TRAPPC9: variants seen among roughly 807,000 people sequenced by gnomAD.
The protein encoded by TRAPPC9 is trafficking protein particle complex subunit 9, also known as IKK2 binding protein.
In TRAPPC9, 83 loss-of-function variants were observed where a neutral mutation model predicts 124.0. The ratio of observed to expected loss-of-function variants is 0.67; its 90% CI spans 0.56 to 0.80. The LOEUF is 0.80. TRAPPC9 is among the 30% of genes least tolerant of loss of function. The pLI, the probability that TRAPPC9 is intolerant of heterozygous loss-of-function variation, is 0.00. For missense variants in TRAPPC9, 1,302 were observed against 1,508.3 expected, an observed-to-expected ratio of 0.86 and a Z score of 2.27; for synonymous variants, 638 against 617.5, an observed-to-expected ratio of 1.03 and a Z score of -0.49.
At position 140,257,652 on chromosome 8, in the gene TRAPPC9, C is replaced by T. The variant is rs1393406109; in HGVS notation, c.2279-4723G>A. On this transcript the variant is annotated intron_variant, in intron 15 of 22. Coordinates refer to ENST00000438773, the MANE Select transcript of TRAPPC9 (RefSeq NM_001160372.4). The surrounding 1 kb of genome is among the most constrained non-coding windows in gnomAD (Gnocchi z 4.6). Reference sequence around the variant, plus strand: ...TGCTTTCTTAAGTCCAGAACTCTGCCCCATCGTGTGCCTACTACTGGAAAT... The same window carrying T: ...TGCTTTCTTAAGTCCAGAACTCTGCTCCATCGTGTGCCTACTACTGGAAAT... Among the ~76,000 whole-genome samples, 3 of 152,178 alleles carry T rather than the reference C, an allele frequency of 2.0e-5. No homozygotes were observed. Among genetic ancestry groups the T allele is most frequent in the Non-Finnish European group, 4.4e-5 (3 of 68,040 alleles).
At chr8:140,105,669 C>G (rs987873031) in intron 17 of TRAPPC9, among the ~76,000 whole-genome samples, 1 of 152,172 alleles carries the variant, frequency 6.6e-6, no homozygotes, top group African/African-American at 2.4e-5. Context: ...TCTAGCAGTA[C>G]CTCCTCTGTG....
At chr8:140,434,161 T>A (rs1470221884) in intron 4 of TRAPPC9, among the ~76,000 whole-genome samples, 1 of 152,184 alleles carries the variant, frequency 6.6e-6, no homozygotes, top group Non-Finnish European at 1.5e-5. Flanking sequence ...AGATTCTGTA[T>A]CCGTGCCCTT....
chr8:139,810,269 A>G (rs948128284), intron 21 of TRAPPC9, among the ~76,000 whole-genome samples: 2 of 152,186 alleles, frequency 1.3e-5, no homozygotes, highest in Admixed American at 1.3e-4. Flanking sequence ...CCAAGGAGAC[A>G]AGGCCACTGC....
chr8:139,741,769 G>A (rs1818576172), intron 21 of TRAPPC9, among the ~76,000 whole-genome samples: 1 of 152,106 alleles, frequency 6.6e-6, no homozygotes, highest in Admixed American at 6.5e-5. Context: ...AACAGAAGCG[G>A]AGGGCAGTGA....
intron 21 of TRAPPC9, among the ~76,000 whole-genome samples, chr8:139,794,602 G>C (rs1487466583): frequency 1.3e-5 from 2 of 152,186 alleles, no homozygotes; most frequent in African/African-American, 2.4e-5. Context: ...CCCAGCAACT[G>C]TGTGCTCCCC....
intron 19 of TRAPPC9, among the ~76,000 whole-genome samples, chr8:139,942,085 A>T (rs768515357): frequency 2.6e-5 from 4 of 152,186 alleles, no homozygotes; most frequent in Non-Finnish European, 5.9e-5. Context: ...ACAAATTAAA[A>T]GACTCGCCTT....
At chr8:139,762,005 T>C (rs79135293) in intron 21 of TRAPPC9, among the ~76,000 whole-genome samples, 1,954 of 151,840 alleles carry the variant, frequency 0.013, 36 homozygotes, top group African/African-American at 0.044. Context: ...CCTGGATCTA[T>C]AGGTGTCCCT....
At chr8:139,826,478 TG>T (rs150178911) in intron 21 of TRAPPC9, among the ~76,000 whole-genome samples, 20,531 of 152,006 alleles carry the variant, frequency 0.14, 1,462 homozygotes, top group Admixed American at 0.2. Context: ...GGTCGGTGCC[TG>T]GGGGGAACAG....
chr8:139,962,591 T>C (rs968678828), intron 19 of TRAPPC9, among the ~76,000 whole-genome samples: 1 of 123,994 alleles, frequency 8.1e-6, no homozygotes, highest in Admixed American at 8.5e-5. Context: ...AGTTGGACCT[T>C]GACATGGTGC....
At chr8:140,152,355 CT>C (rs34124150) in intron 17 of TRAPPC9, among the ~76,000 whole-genome samples, 2,277 of 93,784 alleles carry the variant, frequency 0.024, 20 homozygotes, top group African/African-American at 0.09. Context: ...ATATTGCCAT[CT>C]TTTTTTTTTT....
intron 17 of TRAPPC9, among the ~76,000 whole-genome samples, chr8:140,187,363 G>A (rs777162369): frequency 1.4e-4 from 21 of 152,120 alleles, no homozygotes; most frequent in Admixed American, 2.0e-4. Flanking sequence ...ATCCCAACTC[G>A]GAAAATCTGA....
intron 17 of TRAPPC9, among the ~76,000 whole-genome samples, chr8:140,031,916 T>C (rs1840519944): frequency 6.6e-6 from 1 of 152,148 alleles, no homozygotes; most frequent in South Asian, 2.1e-4. Context: ...GAAGACCAAG[T>C]TGAAAGTCTG....
chr8:140,324,102 C>T (rs936181332), intron 9 of TRAPPC9, among the ~76,000 whole-genome samples: 3 of 152,008 alleles, frequency 2.0e-5, no homozygotes, highest in Non-Finnish European at 4.4e-5. Flanking sequence ...TGCCTTGCAT[C>T]CTTACAGCTT....
chr8:140,385,294 G>C (rs940453940), intron 7 of TRAPPC9, among the ~76,000 whole-genome samples: 4 of 152,140 alleles, frequency 2.6e-5, no homozygotes, highest in Non-Finnish European at 1.5e-5. Context: ...TCAAAAGCTA[G>C]CAGAAAGCAA....
At chr8:140,091,970 C>G (rs371967314) in intron 17 of TRAPPC9, among the ~76,000 whole-genome samples, 1 of 151,532 alleles carries the variant, frequency 6.6e-6, no homozygotes, top group Non-Finnish European at 1.5e-5. Flanking sequence ...TCGATTCAGC[C>G]GCAGAACGCT....
intron 21 of TRAPPC9, among the ~76,000 whole-genome samples, chr8:139,765,719 G>A (rs970195496): frequency 6.6e-6 from 1 of 152,182 alleles, no homozygotes; most frequent in African/African-American, 2.4e-5. Context: ...GGGTCTGGGG[G>A]CAGAGGCAGG....
chr8:140,287,872 C>G, intron 12 of TRAPPC9, 138 bp from the exon 13 acceptor site: 1 of 1,262,002 alleles, frequency 7.9e-7, no homozygotes, highest in Non-Finnish European at 1.1e-6. Context: ...CAGAGAACTT[C>G]GGAGACAGTG....
chr8:140,091,411 G>A (rs373876588), intron 17 of TRAPPC9, among the ~76,000 whole-genome samples: 1 of 152,282 alleles, frequency 6.6e-6, no homozygotes, highest in Non-Finnish European at 1.5e-5. Flanking sequence ...AGGGGTCTCC[G>A]TTTCATGCTC....
chr8:140,360,207 T>C lies in TRAPPC9; in HGVS notation c.1352-14A>G. ...CTCTGTGCGTGCCTGCGATGGAAGT[T>C]ACAAAACATCACAAAAGTGCTTGGA... is the stretch of plus-strand genomic sequence containing the variant. On this transcript the variant is annotated splice_polypyrimidine_tract_variant and intron_variant, in intron 8 of 22. Transcript: ENST00000438773. 6.2e-7 allele frequency: 1 copy of C among 1,614,112 alleles called. No homozygotes were observed. Among genetic ancestry groups the C allele is most frequent in the Non-Finnish European group, 8.5e-7 (1 of 1,180,012 alleles).
Sources: gnomAD v4.1 joint callset for allele counts (sites outside exome capture counted in the v4.1 genomes callset) on GRCh38, gnomAD v4.1.1 for gene constraint, Gnocchi (gnomAD v3.1) non-coding constraint, MANE v1.5 for transcripts, NCBI Gene and HGNC (gene_info 2026-07-23, HGNC 2026-07-21) for gene names.